The following PCDH15 variants were observed in gnomAD, a reference collection of about 807,000 sequenced individuals.
PCDH15 encodes protocadherin-15.
PCDH15 carries 129 observed loss-of-function variants against 178.5 expected under a neutral mutation model. That is an observed-to-expected ratio of 0.72 (90% CI 0.63 to 0.84). The LOEUF (loss-of-function observed/expected upper bound fraction) is 0.84, where lower values mean the gene tolerates loss of function less well. Ranked by LOEUF, PCDH15 falls within the 40% of genes least tolerant of loss-of-function variation. PCDH15 has a pLI of 0.00. For missense variants in PCDH15, 2,230 were observed against 2,099.9 expected (o/e 1.06, Z -1.21); for synonymous variants, 800 against 732.0 (o/e 1.09, Z -1.50).
At chr10:53,864,954 A>G (rs2079348923) in intron 27 of PCDH15, among the ~76,000 whole-genome samples, 1 of 152,098 alleles carries the variant, frequency 6.6e-6, no homozygotes, top group African/African-American at 2.4e-5. Flanking sequence ...ACAATACTAT[A>G]GCTAGGCATG....
At chr10:55,519,736 C>CT (rs71014499) in intron 2 of PCDH15, among the ~76,000 whole-genome samples, 52,573 of 149,942 alleles carry the variant, frequency 0.35, 9,347 homozygotes, top group East Asian at 0.5. Context: ...TTATGTGTAT[C>CT]TTTTTTTTTA....
chr10:53,988,778 TGTTTA>T (rs1397123645), intron 21 of PCDH15, among the ~76,000 whole-genome samples: 2 of 151,890 alleles, frequency 1.3e-5, no homozygotes, highest in East Asian at 3.9e-4. Flanking sequence ...AAATCTGTCT[TGTTTA>T]AAGTATGTTG....
chr10:54,086,374 C>T (rs1156975620), intron 16 of PCDH15, among the ~76,000 whole-genome samples: 1 of 152,126 alleles, frequency 6.6e-6, no homozygotes, highest in African/African-American at 2.4e-5. Context: ...GCCTCCATGA[C>T]CCAAACAAAT....
At chr10:54,382,179 G>A (rs1228761584) in intron 3 of PCDH15, among the ~76,000 whole-genome samples, 1 of 152,044 alleles carries the variant, frequency 6.6e-6, no homozygotes, top group Non-Finnish European at 1.5e-5. Context: ...TAAGAAGTAG[G>A]TATTGAGGGC....
intron 2 of PCDH15, among the ~76,000 whole-genome samples, chr10:54,977,439 GAC>G (rs1432556580): frequency 6.6e-6 from 1 of 151,634 alleles, no homozygotes; most frequent in Non-Finnish European, 1.5e-5. Context: ...TACACTAAAA[GAC>G]ACTCCTATCA....
intron 3 of PCDH15, among the ~76,000 whole-genome samples, chr10:54,387,171 T>A (rs1442563070): frequency 6.6e-6 from 1 of 152,128 alleles, no homozygotes; most frequent in Non-Finnish European, 1.5e-5. Flanking sequence ...AAACAAATGT[T>A]TCCTCAAAAA....
intron 1 of PCDH15, among the ~76,000 whole-genome samples, chr10:55,187,067 T>C (rs909144416): frequency 1.3e-5 from 2 of 151,964 alleles, no homozygotes; most frequent in Admixed American, 6.6e-5. Flanking sequence ...GAACCTATTA[T>C]ACCTATTCCT....
intron 2 of PCDH15, among the ~76,000 whole-genome samples, chr10:55,560,576 AT>A (rs1842177796): frequency 6.6e-6 from 1 of 151,960 alleles, no homozygotes; most frequent in East Asian, 1.9e-4. Flanking sequence ...AAAAGTAAGC[AT>A]TTTGAAAGCA....
chr10:54,390,913 C>A (rs1565156989), intron 3 of PCDH15, among the ~76,000 whole-genome samples: 1 of 152,032 alleles, frequency 6.6e-6, no homozygotes, highest in South Asian at 2.1e-4. Context: ...TTCCCCAGTG[C>A]CAATTTTCAG....
chr10:54,577,852 GAATAAA>G (rs2090653444), intron 2 of PCDH15, among the ~76,000 whole-genome samples: 1 of 11,474 alleles, frequency 8.7e-5, no homozygotes, highest in African/African-American at 1.2e-4. Flanking sequence ...CTAAATAAAT[GAATAAA>G]TAAATAAATA....
chr10:55,221,715 T>C (rs144311785), intron 1 of PCDH15, among the ~76,000 whole-genome samples: 1 of 152,218 alleles, frequency 6.6e-6, no homozygotes, highest in Non-Finnish European at 1.5e-5. Context: ...GACACATGTA[T>C]GCACGTCCTC....
chr10:54,207,769 T>G (rs2134045598), intron 10 of PCDH15, among the ~76,000 whole-genome samples: 1 of 152,220 alleles, frequency 6.6e-6, no homozygotes, highest in South Asian at 2.1e-4. Flanking sequence ...TTAGGCAGAT[T>G]AAATTTCATA....
intron 2 of PCDH15, among the ~76,000 whole-genome samples, chr10:54,979,685 AAC>A (rs1491015757): frequency 1.2e-4 from 17 of 146,430 alleles, no homozygotes; most frequent in African/African-American, 4.4e-4. Flanking sequence ...AAAAAAAAAA[AAC>A]CAGAATTTTA....
rs114096629 is a variant in PCDH15, at chr10:55,368,514, C to G, written c.-155-201863G>C. 5.6e-3 allele frequency among the ~76,000 whole-genome samples: 856 copies of G among 152,204 alleles called. 10 individuals are homozygous for G. The highest frequency in any genetic ancestry group is 0.02 in the African/African-American group (816 of 41,558). Reference sequence around the variant, plus strand: ...ATGCCTGCATTTAAGTTTGATTGCTCTATCTGTAGAACAACTATCTCTTAG... The same window carrying G: ...ATGCCTGCATTTAAGTTTGATTGCTGTATCTGTAGAACAACTATCTCTTAG... On this transcript the variant is annotated intron_variant, in intron 2 of 5. Transcript: ENST00000613346.
chr10:54,589,476 G>A (rs868785170), intron 2 of PCDH15, among the ~76,000 whole-genome samples: 2 of 151,954 alleles, frequency 1.3e-5, no homozygotes, highest in Admixed American at 6.6e-5. Flanking sequence ...TTTATCCATA[G>A]TGCCTATCAC....
chr10:54,664,027 T>C (rs1177810426), intron 2 of PCDH15, 145 bp downstream of exon 2: 3 of 705,088 alleles, frequency 4.3e-6, no homozygotes, highest in Non-Finnish European at 7.4e-6. Flanking sequence ...TCTAAGCTTA[T>C]TTTAGTTAAG....
chr10:55,529,178 T>C (rs1841385773), intron 2 of PCDH15, among the ~76,000 whole-genome samples: 1 of 152,072 alleles, frequency 6.6e-6, no homozygotes, highest in Admixed American at 6.6e-5. Context: ...TCTGTAGGTT[T>C]CCTGCTCACT....
intron 1 of PCDH15, among the ~76,000 whole-genome samples, chr10:54,772,644 G>C (rs1173137157): frequency 1.3e-5 from 2 of 152,110 alleles, no homozygotes; most frequent in Admixed American, 6.6e-5. Context: ...TGGAGGAAAG[G>C]GAAAGCTTTT....
At chr10:54,266,534 G>A (rs750009839) in intron 8 of PCDH15, among the ~76,000 whole-genome samples, 15 of 151,972 alleles carry the variant, frequency 9.9e-5, no homozygotes, top group Non-Finnish European at 1.9e-4. Flanking sequence ...TTCTTTGAAA[G>A]TTTAAACAAA....
Sources: gnomAD v4.1 joint callset for allele counts (sites outside exome capture counted in the v4.1 genomes callset) on GRCh38, gnomAD v4.1.1 for gene constraint, MANE v1.5 for transcripts, NCBI Gene and HGNC (gene_info 2026-07-23, HGNC 2026-07-21) for gene names.